Variants in GNAO1 observed in about 807,000 individuals in gnomAD.
GNAO1 encodes guanine nucleotide-binding protein G(o) subunit alpha.
For missense variants in GNAO1, 166 were observed against 478.7 expected, an observed-to-expected ratio of 0.35 and a Z score of 6.10; for synonymous variants, 164 against 180.7, an observed-to-expected ratio of 0.91 and a Z score of 0.74.
intron 3 of GNAO1, among the ~76,000 whole-genome samples, chr16:56,308,809 A>C (rs1454565327): frequency 6.6e-6 from 1 of 152,004 alleles, no homozygotes; most frequent in African/African-American, 2.4e-5. Context: ...GCCCTCATGG[A>C]GTGGAGAGGG....
At chr16:56,220,668 G>T (rs2143363217) in intron 2 of GNAO1, among the ~76,000 whole-genome samples, 1 of 152,326 alleles carries the variant, frequency 6.6e-6, no homozygotes. Context: ...ACAGTATTTA[G>T]AGGTGAGGCC....
At chr16:56,323,670 A>AAG (rs1245255536) in intron 3 of GNAO1, among the ~76,000 whole-genome samples, 2 of 152,182 alleles carry the variant, frequency 1.3e-5, no homozygotes, top group Non-Finnish European at 2.9e-5. Flanking sequence ...AAAAAAAAAA[A>AAG]AAAATCCAGC....
At chr16:56,239,295 A>G (rs2036671681) in intron 2 of GNAO1, among the ~76,000 whole-genome samples, 2 of 152,256 alleles carry the variant, frequency 1.3e-5, no homozygotes, top group Admixed American at 1.3e-4. Flanking sequence ...AACCATGCAA[A>G]GTTGCATTGA....
At chr16:56,355,919 G>T (rs775227326) in intron 8 of GNAO1, 184 bp from the exon 9 acceptor site, 3 of 152,366 alleles carry the variant, frequency 2.0e-5, no homozygotes, top group East Asian at 1.9e-4. Flanking sequence ...GGGTCTCAGG[G>T]GGGGGCCAGG....
chr16:56,231,640 AC>A (rs1567447422), intron 2 of GNAO1, among the ~76,000 whole-genome samples: 1 of 152,054 alleles, frequency 6.6e-6, no homozygotes, highest in Admixed American at 6.5e-5. Context: ...GAGAATGAGC[AC>A]CCTTTTCTGA....
intron 2 of GNAO1, among the ~76,000 whole-genome samples, chr16:56,240,803 C>G (rs1475895559): frequency 3.9e-5 from 6 of 152,080 alleles, no homozygotes; most frequent in Admixed American, 3.9e-4. Flanking sequence ...TGTTTATCCT[C>G]GTGCACAGTC....
At chr16:56,304,890 A>G (rs1400505286) in intron 3 of GNAO1, among the ~76,000 whole-genome samples, 13 of 152,226 alleles carry the variant, frequency 8.5e-5, no homozygotes, top group African/African-American at 3.1e-4. Flanking sequence ...GGTGGGTGAC[A>G]AGGAAGGACA....
rs1456284884 is a variant in GNAO1, at chr16:56,357,093, A to G, written c.*1019A>G. ...AAAAAAATTTAAAAAGATGGAATGT[A>G]GTGTTTACATTAAAGCCGCCGTTTT... On this transcript the variant is annotated 3_prime_UTR_variant, in exon 9 of 9. Coordinates refer to ENST00000262493, the MANE Select transcript of GNAO1 (RefSeq NM_020988.3). 6 of 152,396 alleles carry G rather than the reference A, an allele frequency of 3.9e-5. No individual in the cohort carries two copies. Among genetic ancestry groups the G allele is most frequent in the Admixed American group, 1.3e-4 (2 of 15,258 alleles). 9.4% of individuals were successfully genotyped at this position (152,396 alleles called of 1,614,324 possible).
In GNAO1 at chr16:56,347,022, C is replaced by A. The variant is rs150698870; in HGVS notation, c.724-4362C>A. 6.8e-3 allele frequency: 6,720 copies of A among 985,492 alleles called. 31 individuals carry two copies. The highest frequency in any genetic ancestry group is 7.2e-3 in the Non-Finnish European group (5,993 of 829,954). 61.0% of individuals were successfully genotyped at this position (985,492 alleles called of 1,614,324 possible). A position where few individuals can be genotyped will look rare whatever the true frequency, so the allele number is the denominator to read the frequency against. ...TTCAGGAAGTTCTTCCTTTTTCTAG[C>A]CTGCATCCTTCCTGGCCACCCCCTT... On this transcript the variant is annotated intron_variant, in intron 6 of 8. Coordinates refer to ENST00000262493, the MANE Select transcript of GNAO1 (RefSeq NM_020988.3).
At chr16:56,251,033 A>G (rs549932234) in intron 2 of GNAO1, among the ~76,000 whole-genome samples, 4 of 152,354 alleles carry the variant, frequency 2.6e-5, no homozygotes, top group Admixed American at 2.0e-4. Flanking sequence ...TGTCTAATCT[A>G]TGATTTTACC....
chr16:56,246,648 G>A (rs545829226), intron 2 of GNAO1, among the ~76,000 whole-genome samples: 4 of 152,216 alleles, frequency 2.6e-5, no homozygotes, highest in African/African-American at 7.2e-5. Context: ...ACACGGCACC[G>A]CTGTCCCCAC....
Position 56,351,689 on chromosome 16 carries a change from T to C in GNAO1, c.877+152T>C. The C allele has an allele frequency of 1.6e-6, 1 of 637,660 alleles. No homozygotes were observed. The highest frequency in any genetic ancestry group is 2.7e-6 in the Non-Finnish European group (1 of 366,676). The allele number at this position is 637,660 out of a possible 1,614,324, so 39.5% of individuals were successfully genotyped here. ...GTGGGGCGCAAAAGAAAAACAGTGC[T>C]GTGCCACCAGGTTTGGGCTTCCCAG... On this transcript the variant is annotated intron_variant, in intron 7 of 8. Transcript: ENST00000262493. The surrounding 1 kb of genome is among the most constrained non-coding windows in gnomAD (Gnocchi z 6.1).
intron 2 of GNAO1, among the ~76,000 whole-genome samples, chr16:56,275,028 G>A (rs1423727792): frequency 2.0e-5 from 3 of 152,254 alleles, no homozygotes; most frequent in Middle Eastern, 3.2e-3. Context: ...GTAGAAAGGA[G>A]GTCTCAGTTA....
intron 2 of GNAO1, among the ~76,000 whole-genome samples, chr16:56,243,482 AC>A (rs773334169): frequency 2.0e-5 from 3 of 152,250 alleles, no homozygotes; most frequent in Non-Finnish European, 4.4e-5. Flanking sequence ...TAATAAAAAA[AC>A]AACCTAACTT....
chr16:56,341,026 C>T (rs551670223), intron 6 of GNAO1: 16 of 1,571,706 alleles, frequency 1.0e-5, no homozygotes, highest in African/African-American at 5.4e-5. Flanking sequence ...CCCGAGGGAG[C>T]GGGCCCCGTT....
chr16:56,283,514 C>G (rs1305497422), intron 3 of GNAO1, among the ~76,000 whole-genome samples: 1 of 152,212 alleles, frequency 6.6e-6, no homozygotes, highest in African/African-American at 2.4e-5. Context: ...CACAATGGAG[C>G]TCAGGACACT....
chr16:56,349,841 C>T (rs1233990665), intron 6 of GNAO1, among the ~76,000 whole-genome samples: 1 of 152,110 alleles, frequency 6.6e-6, no homozygotes, highest in African/African-American at 2.4e-5. Context: ...GATGTAGGCA[C>T]GGGGGAGATA....
chr16:56,216,580 C>G (rs112607364), intron 2 of GNAO1, among the ~76,000 whole-genome samples: 12 of 152,210 alleles, frequency 7.9e-5, no homozygotes, highest in African/African-American at 2.7e-4. Flanking sequence ...CTTGTCTCTG[C>G]CACCTTGGGG....
intron 2 of GNAO1, among the ~76,000 whole-genome samples, chr16:56,271,431 A>G (rs776277271): frequency 6.6e-6 from 1 of 152,222 alleles, no homozygotes; most frequent in Non-Finnish European, 1.5e-5. Flanking sequence ...TGTTTGCAGG[A>G]TTTTAACTTT....
Sources: gnomAD v4.1 joint callset for allele counts (sites outside exome capture counted in the v4.1 genomes callset) on GRCh38, gnomAD v4.1.1 for gene constraint, Gnocchi (gnomAD v3.1) non-coding constraint, MANE v1.5 for transcripts, NCBI Gene and HGNC (gene_info 2026-07-23, HGNC 2026-07-21) for gene names.